ZNF736: variants seen among roughly 807,000 people sequenced by gnomAD.
ZNF736 encodes zinc finger protein 736.
Under a neutral mutation model 11.7 loss-of-function variants are expected in ZNF736, and 6 were observed. The ratio of observed to expected loss-of-function variants is 0.51; its 90% CI spans 0.28 to 1.01. ZNF736 has a LOEUF of 1.01. Ranked by LOEUF, ZNF736 falls within the 50% of genes least tolerant of loss-of-function variation. The pLI, the probability that ZNF736 is intolerant of heterozygous loss-of-function variation, is 0.09. For synonymous variants in ZNF736, 139 were observed against 164.7 expected (o/e 0.84, Z 1.19); for missense variants, 444 against 496.0 (o/e 0.90, Z 1.00).
At chr7:64,343,099 C>A (rs552936089) in intron 3 of ZNF736, among the ~76,000 whole-genome samples, 1 of 152,188 alleles carries the variant, frequency 6.6e-6, no homozygotes, top group African/African-American at 2.4e-5. Flanking sequence ...AATGTTATTG[C>A]TTTCACTGTA....
chr7:64,347,860 A>G (rs557906331), intron 3 of ZNF736, among the ~76,000 whole-genome samples: 4 of 152,208 alleles, frequency 2.6e-5, no homozygotes, highest in Admixed American at 1.3e-4. Context: ...TTACACTTCT[A>G]TGTGGTTCTT....
intron 1 of ZNF736, among the ~76,000 whole-genome samples, chr7:64,333,128 A>C (rs1789194550): frequency 6.6e-6 from 1 of 152,212 alleles, no homozygotes; most frequent in African/African-American, 2.4e-5. Flanking sequence ...TAAATGTCCA[A>C]GAAGTTTTCA....
At chr7:64,346,640 A>G (rs1412752240) in intron 3 of ZNF736, among the ~76,000 whole-genome samples, 2 of 151,922 alleles carry the variant, frequency 1.3e-5, no homozygotes, top group Non-Finnish European at 2.9e-5. Flanking sequence ...GACTTTTAAA[A>G]CATTGCTTGT....
rs1005073009 is a variant in ZNF736, at chr7:64,314,230, C to G, written c.3+77C>G. On this transcript the variant is annotated intron_variant, in intron 1 of 3. Transcript: ENST00000423484. ...CGGCCGGAACCGGCTGCGGTGGTAT[C>G]TGGGCCTTCTCGCGGTCTGCTCTGG... 3.3e-6 allele frequency: 5 copies of G among 1,530,060 alleles called. No individual in the cohort carries two copies. In the African/African-American group the frequency reaches 4.1e-5, roughly 13 times the overall value. 94.8% of individuals were successfully genotyped at this position (1,530,060 alleles called of 1,614,324 possible).
At chr7:64,316,302 T>C (rs138249989) in intron 1 of ZNF736, among the ~76,000 whole-genome samples, 2 of 152,050 alleles carry the variant, frequency 1.3e-5, no homozygotes, top group East Asian at 1.9e-4. Flanking sequence ...AACATTAAGA[T>C]TTTTTTCCCC....
chr7:64,344,502 G>C (rs1789382556), intron 3 of ZNF736, among the ~76,000 whole-genome samples: 1 of 151,956 alleles, frequency 6.6e-6, no homozygotes, highest in Non-Finnish European at 1.5e-5. Context: ...CTGTTTTTAA[G>C]GATGTAACTA....
chr7:64,348,694 A>C lies in ZNF736; in HGVS notation c.831A>C (p.Arg277Ser), dbSNP rs1263760337. Reference sequence around the variant, plus strand: ...TCTCAGACCTTACTAATCATAAGAGAATTCATACTGGAGAGAAACCCTACA... The same window carrying C: ...TCTCAGACCTTACTAATCATAAGAGCATTCATACTGGAGAGAAACCCTACA... ...KCFSDLTNHK[R>S]IHTGEKPYKC... The change falls in exon 4 of 4, where the codon AGA (arginine) becomes AGC (serine). Residue 277 changes from arginine (R) to serine (S), a missense_variant. Coordinates refer to ENST00000423484, the MANE Select transcript of ZNF736 (RefSeq NM_001170905.3). The C allele has an allele frequency of 1.2e-6, 2 of 1,608,586 alleles. No individual in the cohort carries two copies. The highest frequency in any genetic ancestry group is 1.3e-5 in the African/African-American group (1 of 74,740).
chr7:64,313,979 C>T lies in ZNF736; in HGVS notation c.-172C>T, dbSNP rs528524683. The T allele has an allele frequency of 2.3e-5, 19 of 821,178 alleles. No individual in the cohort carries two copies. Among genetic ancestry groups the T allele is most frequent in the African/African-American group, 6.8e-5 (4 of 58,858 alleles). 50.9% of individuals were successfully genotyped at this position (821,178 alleles called of 1,614,324 possible). ...GGAAGAGGCGGCCTCTTCAATATGG[C>T]GGGGCCTTTGTCTCCTAGCTTCCGG... On this transcript the variant is annotated 5_prime_UTR_variant, in exon 1 of 4. Coordinates refer to ENST00000423484, the MANE Select transcript of ZNF736 (RefSeq NM_001170905.3).
chr7:64,342,509 T>C (rs1789353527), intron 3 of ZNF736, among the ~76,000 whole-genome samples: 1 of 152,170 alleles, frequency 6.6e-6, no homozygotes, highest in African/African-American at 2.4e-5. Flanking sequence ...ACTAATACCA[T>C]AGGTTACTTA....
intron 3 of ZNF736, chr7:64,337,188 A>ATG (rs892795349): frequency 8.4e-5 from 45 of 535,326 alleles, no homozygotes; most frequent in African/African-American, 3.4e-4. Context: ...CCCTTCAGTA[A>ATG]TGTGTGTGTG....
chr7:64,338,690 A>G (rs1789294138), intron 3 of ZNF736, among the ~76,000 whole-genome samples: 1 of 151,214 alleles, frequency 6.6e-6, no homozygotes, highest in African/African-American at 2.4e-5. Flanking sequence ...TTATGGCTGA[A>G]TAATATTCTA....
At chr7:64,335,807 A>G (rs1369242414) in intron 1 of ZNF736, among the ~76,000 whole-genome samples, 1 of 152,230 alleles carries the variant, frequency 6.6e-6, no homozygotes, top group Non-Finnish European at 1.5e-5. Context: ...ACCACTGGCA[A>G]ACTTCTTACA....
intron 1 of ZNF736, among the ~76,000 whole-genome samples, chr7:64,333,241 C>A (rs1425164727): frequency 6.6e-6 from 1 of 152,190 alleles, no homozygotes; most frequent in Non-Finnish European, 1.5e-5. Flanking sequence ...CAGTTTAACT[C>A]CTTTTTCACT....
chr7:64,328,727 A>G (rs1449298139), intron 1 of ZNF736, among the ~76,000 whole-genome samples: 1 of 151,946 alleles, frequency 6.6e-6, no homozygotes, highest in East Asian at 1.9e-4. Context: ...GTGCCACTGC[A>G]CTCCAGCCTG....
intron 1 of ZNF736, among the ~76,000 whole-genome samples, chr7:64,326,716 T>C (rs1259539912): frequency 6.6e-6 from 1 of 152,132 alleles, no homozygotes; most frequent in Admixed American, 6.5e-5. Context: ...TTAGTACTTC[T>C]TTCATTGTAT....
At chr7:64,323,156 T>A (rs749515738) in intron 1 of ZNF736, among the ~76,000 whole-genome samples, 11 of 152,362 alleles carry the variant, frequency 7.2e-5, no homozygotes, top group Non-Finnish European at 1.3e-4. Context: ...CTGTGACATT[T>A]TCCTCGAAAC....
intron 1 of ZNF736, among the ~76,000 whole-genome samples, chr7:64,327,964 A>G (rs749707411): frequency 1.4e-4 from 21 of 152,176 alleles, no homozygotes; most frequent in Non-Finnish European, 2.9e-4. Flanking sequence ...TAGAAATATG[A>G]GTTATGGCCT....
intron 3 of ZNF736, among the ~76,000 whole-genome samples, chr7:64,340,587 C>G (rs1212515472): frequency 5.3e-5 from 8 of 152,124 alleles, no homozygotes; most frequent in Non-Finnish European, 8.8e-5. Context: ...AAGGTCTCTT[C>G]TTTGAGAAGG....
rs1789440845 is a variant in ZNF736, at chr7:64,348,442, AATTCATAC to A, written c.580_587del (p.Ile194CysfsTer8). ...TCTCAGATTTTACTAGACATAAGAA[AATTCATAC>A]TGTAGAGAGATGCTACAAATGTGAA... On this transcript the variant is annotated frameshift_variant, in exon 4 of 4. Coordinates refer to ENST00000423484, the MANE Select transcript of ZNF736 (RefSeq NM_001170905.3). LOFTEE classifies it low-confidence loss of function (END_TRUNC). The A allele has an allele frequency of 1.9e-6, 3 of 1,549,114 alleles. No individual in the cohort carries two copies. The Admixed American group carries it at 5.9e-5, about 30-fold the overall frequency.
Sources: allele counts gnomAD v4.1 joint callset (sites outside exome capture counted in the v4.1 genomes callset), GRCh38; gene constraint gnomAD v4.1.1; transcripts MANE v1.5; gene names NCBI Gene and HGNC (gene_info 2026-07-23, HGNC 2026-07-21).